UNC119B: variants seen among roughly 807,000 people sequenced by gnomAD.
UNC119B encodes protein unc-119 homolog B.
In UNC119B, 16 loss-of-function variants were observed where a neutral mutation model predicts 23.4. That is an observed-to-expected ratio of 0.68 (90% CI 0.46 to 1.04). The LOEUF (loss-of-function observed/expected upper bound fraction) is 1.04, where lower values mean the gene tolerates loss of function less well. Ranked by LOEUF, UNC119B falls within the 50% of genes least tolerant of loss-of-function variation. The pLI is 0.00. For synonymous variants in UNC119B, 144 were observed against 145.4 expected, an observed-to-expected ratio of 0.99 and a Z score of 0.07; for missense variants, 350 against 361.3, an observed-to-expected ratio of 0.97 and a Z score of 0.25.
intron 2 of UNC119B, among the ~76,000 whole-genome samples, chr12:120,715,505 T>C (rs1317963583): frequency 6.8e-6 from 1 of 146,142 alleles, no homozygotes; most frequent in Non-Finnish European, 1.5e-5. Context: ...CACATTAGAA[T>C]GCTTGTTCTC....
chr12:120,711,799 G>C (rs529734153), intron 1 of UNC119B: 1 of 152,380 alleles, frequency 6.6e-6, no homozygotes, highest in African/African-American at 2.4e-5. Context: ...GGAAATTTGG[G>C]GGGAGTAGGC....
chr12:120,710,588 G>C lies in UNC119B; in HGVS notation c.114G>C (p.Leu38=). ...KKAGGGVLNR[L]KARRQAPHHA... The stretch of plus-strand genomic sequence containing the variant: ...CGGGCGGCGGCGTCCTGAACCGCCT[G>C]AAGGCGCGGCGGCAGGCGCCCCACC... The change falls in exon 1 of 5, where the codon CTG becomes CTC. Residue 38 remains leucine, a synonymous_variant. Transcript: ENST00000344651. 1 of 1,428,010 alleles carries C rather than the reference G, an allele frequency of 7.0e-7. No homozygotes were observed. Among genetic ancestry groups the C allele is most frequent in the Non-Finnish European group, 9.1e-7 (1 of 1,096,206 alleles). 88.5% of individuals were successfully genotyped at this position (1,428,010 alleles called of 1,614,324 possible).
chr12:120,713,570 G>T (rs989045591), intron 2 of UNC119B, among the ~76,000 whole-genome samples, 183 bp downstream of exon 2: 1 of 152,246 alleles, frequency 6.6e-6, no homozygotes, highest in African/African-American at 2.4e-5. Context: ...GCTGATGTTT[G>T]TTGGATGTCT....
chr12:120,718,338 C>T (rs1882823214), intron 4 of UNC119B, among the ~76,000 whole-genome samples: 1 of 152,122 alleles, frequency 6.6e-6, no homozygotes, highest in Admixed American at 6.6e-5. Flanking sequence ...AGTCATTGGC[C>T]CTTCACTTTT....
rs1409811839 is a variant in UNC119B, at chr12:120,710,684, C to G, written c.210C>G (p.Pro70=). The G allele has an allele frequency of 2.8e-6, 4 of 1,444,468 alleles. No individual in the cohort carries two copies. The highest frequency in any genetic ancestry group is 3.6e-6 in the Non-Finnish European group (4 of 1,102,928). The allele number at this position is 1,444,468 out of a possible 1,614,324, so 89.5% of individuals were successfully genotyped here. The change falls in exon 1 of 5, where the codon CCC becomes CCG. Residue 70 remains proline, a synonymous_variant. Coordinates refer to ENST00000344651, the MANE Select transcript of UNC119B (RefSeq NM_001080533.3). ...TGCTGGCGCTGGACACCATCCGGCC[C>G]GAGCACGTCCTGCGCCTCAGCCGGG... The part of the protein sequence containing the change: ...QELLALDTIR[P]EHVLRLSRVT...
At position 120,722,643 on chromosome 12, in the gene UNC119B, C is replaced by G. The variant is rs1221097697; in HGVS notation, c.*2611C>G. 1 of 152,236 alleles carries G rather than the reference C, an allele frequency of 6.6e-6. No homozygotes were observed. The highest frequency in any genetic ancestry group is 2.4e-5 in the African/African-American group (1 of 41,472). 9.4% of individuals were successfully genotyped at this position (152,236 alleles called of 1,614,324 possible). Reference sequence around the variant, plus strand: ...ATCAGAGTAGCAGGCCCACCTGGTGCCAGAGGGCCTGCCCCTCCTGCTTCT... The same window carrying G: ...ATCAGAGTAGCAGGCCCACCTGGTGGCAGAGGGCCTGCCCCTCCTGCTTCT... On this transcript the variant is annotated 3_prime_UTR_variant, in exon 5 of 5. Coordinates refer to ENST00000344651, the MANE Select transcript of UNC119B (RefSeq NM_001080533.3).
intron 2 of UNC119B, among the ~76,000 whole-genome samples, chr12:120,713,956 C>T (rs1316521735): frequency 2.6e-5 from 4 of 152,106 alleles, no homozygotes; most frequent in Admixed American, 1.3e-4. Flanking sequence ...AAGAACAGAC[C>T]CAGGAACTCA....
In UNC119B at chr12:120,720,548, T is replaced by G. The variant is rs1882873399; in HGVS notation, c.*516T>G. 6.5e-6 allele frequency: 1 copy of G among 153,038 alleles called. No homozygotes were observed. Among genetic ancestry groups the G allele is most frequent in the Non-Finnish European group, 1.5e-5 (1 of 68,442 alleles). The allele number at this position is 153,038 out of a possible 1,614,324, so 9.5% of individuals were successfully genotyped here. ...AAGTCTTAAACCAACTGGAAGACAC[T>G]TGAAAGGGTGGGGAGGGAGGGAGGT... On this transcript the variant is annotated 3_prime_UTR_variant, in exon 5 of 5. Transcript: ENST00000344651.
Position 120,716,979 on chromosome 12 carries a change from A to G in UNC119B, c.580A>G (p.Ile194Val). The change falls in exon 4 of 5, where the codon ATC (isoleucine) becomes GTC (valine). Residue 194 changes from isoleucine to valine, a missense_variant. Transcript: ENST00000344651. ...KNFDFDFGFC[I>V]PSSRNTCEHI... ...CTTTGACTTTGATTTTGGCTTCTGC[A>G]TCCCCAGCAGTAGGAACACTTGTGA... 1 of 1,613,724 alleles carries G rather than the reference A, an allele frequency of 6.2e-7. No homozygotes were observed. Among genetic ancestry groups the G allele is most frequent in the African/African-American group, 1.3e-5 (1 of 75,036 alleles).
At position 120,723,357 on chromosome 12, in the gene UNC119B, A is replaced by G. The variant is rs1337632161; in HGVS notation, c.*3325A>G. 6.5e-6 allele frequency: 1 copy of G among 153,316 alleles called. No homozygotes were observed. The highest frequency in any genetic ancestry group is 1.5e-5 in the Non-Finnish European group (1 of 68,152). The allele number at this position is 153,316 out of a possible 1,614,324, so 9.5% of individuals were successfully genotyped here. ...CACATTCCATGTCACAGAACATATC[A>G]GCCTCAAGAAGGATTTGGTGGAGGT... On this transcript the variant is annotated 3_prime_UTR_variant, in exon 5 of 5. Transcript: ENST00000344651.
In UNC119B at chr12:120,720,005, T is replaced by C. The variant is rs376357004; in HGVS notation, c.729T>C (p.Ala243=). The C allele has an allele frequency of 1.1e-4, 175 of 1,614,072 alleles. No individual in the cohort carries two copies. The East Asian group carries it at 3.8e-3, about 35-fold the overall frequency. ...ACAAGCTGATAATGCACAACAAGGC[T>C]GATTATGCCTATAATGGAGGCCAGT... ...VDNKLIMHNK[A]DYAYNGGQ The change falls in exon 5 of 5, where the codon GCT becomes GCC. Residue 243 remains alanine (A), a synonymous_variant. Coordinates refer to ENST00000344651, the MANE Select transcript of UNC119B (RefSeq NM_001080533.3).
intron 4 of UNC119B, among the ~76,000 whole-genome samples, chr12:120,717,997 T>C (rs1882816721): frequency 2.0e-5 from 3 of 151,830 alleles, no homozygotes; most frequent in Non-Finnish European, 4.4e-5. Context: ...GCCTCCTGAG[T>C]AGCTGAGACT....
rs1486111748 is a variant in UNC119B at position 120,721,273 on chromosome 12, T to C, written c.*1241T>C. The C allele has an allele frequency of 6.6e-6, 1 of 152,188 alleles. No individual in the cohort carries two copies. Among genetic ancestry groups the C allele is most frequent in the Non-Finnish European group, 1.5e-5 (1 of 68,036 alleles). 9.4% of individuals were successfully genotyped at this position (152,188 alleles called of 1,614,324 possible). On this transcript the variant is annotated 3_prime_UTR_variant, in exon 5 of 5. Coordinates refer to ENST00000344651, the MANE Select transcript of UNC119B (RefSeq NM_001080533.3). ...TGTGGCCTGTCAGAGTGATGTGTTC[T>C]CAAAAAAGTTCACTTGCACATCTGT...
intron 1 of UNC119B, among the ~76,000 whole-genome samples, chr12:120,712,746 G>T (rs1882695909): frequency 6.6e-6 from 1 of 152,220 alleles, no homozygotes; most frequent in East Asian, 1.9e-4. Flanking sequence ...GTCTGTGGAT[G>T]CTTTTGTGGC....
At chr12:120,717,339 G>A (rs912439065) in intron 4 of UNC119B, among the ~76,000 whole-genome samples, 1 of 151,976 alleles carries the variant, frequency 6.6e-6, no homozygotes. Flanking sequence ...GCGCGATCTC[G>A]GCTCACTGTA....
At chr12:120,711,063 A>T (rs1882655758) in intron 1 of UNC119B, 1 of 184,614 alleles carries the variant, frequency 5.4e-6, no homozygotes, top group Non-Finnish European at 1.1e-5. Flanking sequence ...GTCCCCTAAT[A>T]AATGGGCCCC....
rs1249355657 is a variant in UNC119B, at chr12:120,710,647, C to T, written c.173C>T (p.Thr58Met). 16 of 1,448,444 alleles carry T rather than the reference C, an allele frequency of 1.1e-5. No homozygotes were observed. Among genetic ancestry groups the T allele is most frequent in the African/African-American group, 1.5e-5 (1 of 67,664 alleles). The allele number at this position is 1,448,444 out of a possible 1,614,324, so 89.7% of individuals were successfully genotyped here. A position where few individuals can be genotyped will look rare whatever the true frequency, so the allele number is the denominator to read the frequency against. Residue 58 changes from threonine (T) to methionine (M), a missense_variant, in exon 1 of 5, where the codon ACG becomes ATG. Thr to Met is a moderately conservative substitution (Grantham distance 81). Transcript: ENST00000344651. Reference sequence around the variant, plus strand: ...GACGACGGCGTCGGGGCAGCGGTCACGGAGCAGGAGCTGCTGGCGCTGGAC... The same window carrying T: ...GACGACGGCGTCGGGGCAGCGGTCATGGAGCAGGAGCTGCTGGCGCTGGAC... ...AADDGVGAAV[T>M]EQELLALDTI...
In UNC119B at chr12:120,720,820, G is replaced by GT. The variant is rs1882881658; in HGVS notation, c.*789dup. The GT allele has an allele frequency of 6.6e-6, 1 of 152,214 alleles. No individual in the cohort carries two copies. Among genetic ancestry groups the GT allele is most frequent in the South Asian group, 2.1e-4 (1 of 4,834 alleles). 9.4% of individuals were successfully genotyped at this position (152,214 alleles called of 1,614,324 possible). ...AGTCAGCTCTGCTCATGGAACAGTA[G>GT]TATCTCTTGAGGCCAGAGCAGGTCT... On this transcript the variant is annotated 3_prime_UTR_variant, in exon 5 of 5. Transcript: ENST00000344651.
At chr12:120,717,715 A>G (rs1882811094) in intron 4 of UNC119B, among the ~76,000 whole-genome samples, 1 of 149,708 alleles carries the variant, frequency 6.7e-6, no homozygotes, top group Admixed American at 6.6e-5. Context: ...GGCACCTGCC[A>G]CCATGCCCGG....
Sources: gnomAD v4.1 joint callset for allele counts (sites outside exome capture counted in the v4.1 genomes callset) on GRCh38, gnomAD v4.1.1 for gene constraint, MANE v1.5 for transcripts, NCBI Gene and HGNC (gene_info 2026-07-23, HGNC 2026-07-21) for gene names.